PALM2AKAP2: variants seen among roughly 807,000 people sequenced by gnomAD.
The protein encoded by PALM2AKAP2 is PALM2-AKAP2 fusion protein.
PALM2AKAP2 carries 37 observed loss-of-function variants against 71.5 expected under a neutral mutation model. The ratio of observed to expected loss-of-function variants is 0.52; its 90% CI spans 0.40 to 0.68. The LOEUF (loss-of-function observed/expected upper bound fraction) is 0.68, where lower values mean the gene tolerates loss of function less well. Among genes scored for constraint, PALM2AKAP2 ranks in the 30% least tolerant of loss-of-function variants. The pLI, the probability that PALM2AKAP2 is intolerant of heterozygous loss-of-function variation, is 0.00. For synonymous variants in PALM2AKAP2, 468 were observed against 478.8 expected (o/e 0.98, Z 0.29); for missense variants, 1,224 against 1,191.8 (o/e 1.03, Z -0.40).
intron 7 of PALM2AKAP2, among the ~76,000 whole-genome samples, chr9:110,036,149 A>G (rs761558716): frequency 6.6e-6 from 1 of 151,840 alleles, no homozygotes; most frequent in Non-Finnish European, 1.5e-5. Flanking sequence ...GTTAGCTAGG[A>G]TGGTCTCAAT....
intron 7 of PALM2AKAP2, among the ~76,000 whole-genome samples, chr9:110,023,489 T>C (rs1445315496): frequency 1.3e-5 from 2 of 151,806 alleles, no homozygotes; most frequent in Admixed American, 6.6e-5. Flanking sequence ...TAATTTTGTA[T>C]TTTTAGTAGA....
At chr9:109,733,533 C>T (rs1006492278) in intron 1 of PALM2AKAP2, among the ~76,000 whole-genome samples, 3 of 152,182 alleles carry the variant, frequency 2.0e-5, no homozygotes, top group Non-Finnish European at 2.9e-5. Context: ...TGCCTTTCCC[C>T]TTCCGTAGTC....
chr9:109,720,530 A>G (rs1828389469), intron 1 of PALM2AKAP2, among the ~76,000 whole-genome samples: 1 of 152,202 alleles, frequency 6.6e-6, no homozygotes, highest in African/African-American at 2.4e-5. Flanking sequence ...AGTTGAAGCC[A>G]TGGATGAGGT....
At chr9:109,799,475 T>C (rs1230291978) in intron 1 of PALM2AKAP2, among the ~76,000 whole-genome samples, 1 of 152,130 alleles carries the variant, frequency 6.6e-6, no homozygotes, top group East Asian at 1.9e-4. Context: ...ATTATTTCCA[T>C]AGAGGGGTCA....
chr9:109,669,730 CAT>C (rs556171987), intron 1 of PALM2AKAP2, among the ~76,000 whole-genome samples: 292 of 129,666 alleles, frequency 2.3e-3, no homozygotes, highest in Non-Finnish European at 2.7e-3. Context: ...AATTTATTGA[CAT>C]AAAGTTTTTC....
chr9:110,027,960 G>T (rs1031776860), intron 7 of PALM2AKAP2, among the ~76,000 whole-genome samples: 4 of 152,288 alleles, frequency 2.6e-5, no homozygotes, highest in Admixed American at 2.0e-4. Flanking sequence ...TTTCTACATT[G>T]TGTATATACA....
chr9:109,793,734 T>C (rs1202661877), intron 1 of PALM2AKAP2, among the ~76,000 whole-genome samples: 3 of 152,240 alleles, frequency 2.0e-5, no homozygotes, highest in Non-Finnish European at 4.4e-5. Flanking sequence ...ATAAGGCCTA[T>C]GAGCAGTGCC....
At chr9:109,736,226 T>C (rs1339430631) in intron 1 of PALM2AKAP2, among the ~76,000 whole-genome samples, 1 of 152,192 alleles carries the variant, frequency 6.6e-6, no homozygotes, top group African/African-American at 2.4e-5. Context: ...AAAAAGTGAA[T>C]TACTATAAAT....
chr9:109,907,659 G>A (rs1830479222), intron 3 of PALM2AKAP2, among the ~76,000 whole-genome samples: 1 of 152,178 alleles, frequency 6.6e-6, no homozygotes, highest in African/African-American at 2.4e-5. Flanking sequence ...CCCATGTGGA[G>A]GAGCTTCCTG....
chr9:109,887,124 G>A (rs1829982932), intron 3 of PALM2AKAP2, among the ~76,000 whole-genome samples: 1 of 152,190 alleles, frequency 6.6e-6, no homozygotes, highest in Non-Finnish European at 1.5e-5. Flanking sequence ...CAAAGCCAAA[G>A]GCGTAGAGAC....
chr9:110,030,341 T>G (rs1833258202), intron 7 of PALM2AKAP2, among the ~76,000 whole-genome samples: 1 of 152,228 alleles, frequency 6.6e-6, no homozygotes, highest in South Asian at 2.1e-4. Flanking sequence ...ATTCAGTCTT[T>G]CTTCCTGCTA....
exon 6 of PALM2AKAP2, chr9:109,931,945 C>T (rs150965931): frequency 1.2e-6 from 2 of 1,614,092 alleles, no homozygotes; most frequent in Admixed American, 1.7e-5. Context: ...AATTACATTT[C>T]CTCCCAGCTT....
chr9:109,919,108 G>A (rs901407198), intron 3 of PALM2AKAP2, among the ~76,000 whole-genome samples: 3 of 152,144 alleles, frequency 2.0e-5, no homozygotes, highest in African/African-American at 7.2e-5. Context: ...AGCCATTTTC[G>A]GTTTTAGTCA....
chr9:109,832,577 G>A (rs919659454), intron 1 of PALM2AKAP2, among the ~76,000 whole-genome samples: 3 of 152,192 alleles, frequency 2.0e-5, no homozygotes, highest in Non-Finnish European at 4.4e-5. Context: ...GTGTTTGAAA[G>A]CTAAGAAAAA....
rs191166088 is a variant in PALM2AKAP2 at position 109,791,575 on chromosome 9, T to C, written c.45+11042T>C. On this transcript the variant is annotated intron_variant, in intron 1 of 9. Transcript: ENST00000302798. ...ATGGTACTTCATCATGTAGCTTTTC[T>C]TAAGGGGTTGGAGGGAAGGGCTCCC... Among the ~76,000 whole-genome samples, 4 of 152,314 alleles carry C rather than the reference T, an allele frequency of 2.6e-5. No homozygotes were observed. The East Asian group carries it at 7.7e-4, about 29-fold the overall frequency.
chr9:109,858,736 C>T (rs1829234692), intron 1 of PALM2AKAP2, among the ~76,000 whole-genome samples: 1 of 152,090 alleles, frequency 6.6e-6, no homozygotes, highest in Non-Finnish European at 1.5e-5. Flanking sequence ...TGGATTTTTC[C>T]ACCACAAGGG....
chr9:110,054,375 G>A (rs1833786479), intron 1 of PALM2AKAP2, among the ~76,000 whole-genome samples: 1 of 151,816 alleles, frequency 6.6e-6, no homozygotes, highest in African/African-American at 2.4e-5. Flanking sequence ...CTCCAGCCTG[G>A]GCAACAAGAG....
At chr9:110,034,585 T>C (rs1256980918) in intron 7 of PALM2AKAP2, among the ~76,000 whole-genome samples, 1 of 150,232 alleles carries the variant, frequency 6.7e-6, no homozygotes, top group Non-Finnish European at 1.5e-5. Context: ...ATCCAATAAC[T>C]ATCAAGCCAT....
intron 1 of PALM2AKAP2, among the ~76,000 whole-genome samples, chr9:110,056,351 A>G (rs1833840508): frequency 1.3e-5 from 2 of 152,166 alleles, no homozygotes; most frequent in Non-Finnish European, 2.9e-5. Context: ...GTTTTTTGAT[A>G]CCGCCTACAA....
Sources: gnomAD v4.1 joint callset for allele counts (sites outside exome capture counted in the v4.1 genomes callset) on GRCh38, gnomAD v4.1.1 for gene constraint, MANE v1.5 for transcripts, NCBI Gene and HGNC (gene_info 2026-07-23, HGNC 2026-07-21) for gene names.